PDE1A: variants seen among roughly 807,000 people sequenced by gnomAD.
PDE1A encodes phosphodiesterase 1A.
Under a neutral mutation model 61.7 loss-of-function variants are expected in PDE1A, and 35 were observed. The observed-to-expected ratio is 0.57, with a 90% CI of 0.43 to 0.75. PDE1A has a LOEUF of 0.75. PDE1A is among the 30% of genes least tolerant of loss of function. The pLI is 0.00. For missense variants in PDE1A, 597 were observed against 630.6 expected (o/e 0.95, Z 0.57); for synonymous variants, 232 against 213.2 (o/e 1.09, Z -0.77).
intron 1 of PDE1A, among the ~76,000 whole-genome samples, chr2:182,425,137 T>A (rs1436644980): frequency 6.6e-6 from 1 of 152,118 alleles, no homozygotes; most frequent in Non-Finnish European, 1.5e-5. Context: ...TCCCCACAGC[T>A]CTCCAAAGGG....
chr2:182,374,878 G>C (rs1370720098), intron 1 of PDE1A, among the ~76,000 whole-genome samples: 2 of 152,326 alleles, frequency 1.3e-5, no homozygotes, highest in Non-Finnish European at 2.9e-5. Flanking sequence ...CATATGGCTG[G>C]GGAAGCCTCA....
At chr2:182,312,480 T>C (rs374912612) in intron 1 of PDE1A, among the ~76,000 whole-genome samples, 3 of 152,186 alleles carry the variant, frequency 2.0e-5, no homozygotes, top group South Asian at 4.1e-4. Context: ...ATTTTACATA[T>C]GATGTGAGAT....
chr2:182,239,815 G>A (rs557438855), intron 3 of PDE1A, among the ~76,000 whole-genome samples: 24 of 152,288 alleles, frequency 1.6e-4, no homozygotes, highest in Admixed American at 5.9e-4. Flanking sequence ...ACATGTGTCA[G>A]AATTGTTTTT....
At chr2:182,685,329 G>A in the PDE1A span, among the ~76,000 whole-genome samples, 9 of 152,072 alleles carry the variant, frequency 5.9e-5, no homozygotes, top group Non-Finnish European at 1.0e-4. Flanking sequence ...GCTCACTGAA[G>A]TTTTTAGTAA....
chr2:182,696,356 C>T, the PDE1A span, among the ~76,000 whole-genome samples: 2 of 152,034 alleles, frequency 1.3e-5, no homozygotes, highest in Non-Finnish European at 2.9e-5. Flanking sequence ...GGAGAGAAGG[C>T]ATTCCGTAAA....
chr2:182,207,216 A>C (rs79549624), intron 7 of PDE1A, among the ~76,000 whole-genome samples: 27,380 of 152,184 alleles, frequency 0.18, 2,628 homozygotes, highest in East Asian at 0.31. Context: ...TGACCAAAAT[A>C]CTGATAGTGA....
At chr2:182,233,775 CCACACACACACACACACACA>C (rs4018725) in intron 4 of PDE1A, among the ~76,000 whole-genome samples, 2 of 147,188 alleles carry the variant, frequency 1.4e-5, no homozygotes, top group African/African-American at 5.0e-5. Context: ...CACATGAACA[CCACACACACACACACACACA>C]CACACACACA....
intron 1 of PDE1A, 138 bp from the exon 2 acceptor site, chr2:182,264,552 G>T (rs1236881551): frequency 6.9e-6 from 4 of 583,590 alleles, no homozygotes; most frequent in Admixed American, 3.2e-5. Flanking sequence ...ATTATTTTCA[G>T]ATTTTTTTTT....
chr2:182,438,805 G>A (rs572435502), intron 2 of PDE1A, among the ~76,000 whole-genome samples: 1 of 152,104 alleles, frequency 6.6e-6, no homozygotes, highest in East Asian at 1.9e-4. Flanking sequence ...AATAGGCAAT[G>A]GGGAGCCACT....
chr2:182,668,635 G>A, the PDE1A span, among the ~76,000 whole-genome samples: 1 of 152,232 alleles, frequency 6.6e-6, no homozygotes, highest in East Asian at 1.9e-4. Context: ...GCAGTCAGGT[G>A]AAATATGGCT....
intron 2 of PDE1A, among the ~76,000 whole-genome samples, chr2:182,507,680 C>T (rs551518591): frequency 5.9e-5 from 9 of 152,144 alleles, no homozygotes; most frequent in African/African-American, 2.2e-4. Flanking sequence ...CAGCAAACAA[C>T]AATATGATAG....
chr2:182,169,330 C>G (rs1691912236), intron 13 of PDE1A, among the ~76,000 whole-genome samples: 1 of 151,880 alleles, frequency 6.6e-6, no homozygotes, highest in South Asian at 2.1e-4. Flanking sequence ...GAAAGTTATA[C>G]CATAAGAATT....
chr2:182,419,744 T>C (rs567898973), intron 1 of PDE1A, among the ~76,000 whole-genome samples: 1 of 152,270 alleles, frequency 6.6e-6, no homozygotes, highest in East Asian at 1.9e-4. Flanking sequence ...GTTTAGTGTT[T>C]TAGTGTTTTT....
the PDE1A span, among the ~76,000 whole-genome samples, chr2:182,628,521 C>G: frequency 1.3e-5 from 2 of 152,026 alleles, no homozygotes; most frequent in African/African-American, 4.8e-5. Flanking sequence ...AGAAAAACAA[C>G]CAAACCCAAG....
intron 1 of PDE1A, among the ~76,000 whole-genome samples, chr2:182,386,451 C>T (rs1701089298): frequency 6.6e-6 from 1 of 151,588 alleles, no homozygotes; most frequent in African/African-American, 2.4e-5. Flanking sequence ...GCACCTCTGC[C>T]CCGGCGCCCT....
chr2:182,532,755 TCG>T, the PDE1A span, among the ~76,000 whole-genome samples: 2 of 148,494 alleles, frequency 1.3e-5, no homozygotes, highest in Non-Finnish European at 3.0e-5. Flanking sequence ...GGTCAGGAGA[TCG>T]ACAGGACGGT....
chr2:182,438,652 G>A (rs1297748240), intron 2 of PDE1A, among the ~76,000 whole-genome samples: 1 of 151,840 alleles, frequency 6.6e-6, no homozygotes, highest in East Asian at 1.9e-4. Flanking sequence ...AAGTAATGCA[G>A]AATCATGAAA....
chr2:182,592,504 T>C, the PDE1A span, among the ~76,000 whole-genome samples: 4 of 152,172 alleles, frequency 2.6e-5, no homozygotes, highest in Non-Finnish European at 5.9e-5. Flanking sequence ...CCAGCTTCCA[T>C]GACTGAAAAT....
chr2:182,262,251 A>G (rs1185602347), intron 2 of PDE1A, among the ~76,000 whole-genome samples: 1 of 57,014 alleles, frequency 1.8e-5, no homozygotes, highest in Non-Finnish European at 3.9e-5. Flanking sequence ...TTCTTTTTTT[A>G]TTTCTTCTTT....
Sources: gnomAD v4.1 joint callset for allele counts (sites outside exome capture counted in the v4.1 genomes callset) on GRCh38, gnomAD v4.1.1 for gene constraint, MANE v1.5 for transcripts, NCBI Gene and HGNC (gene_info 2026-07-23, HGNC 2026-07-21) for gene names.